CATSPERT: variants seen among roughly 807,000 people sequenced by gnomAD.
CATSPERT encodes the protein cation channel sperm-associated targeting subunit tau.
the CATSPERT span, chr2:201,537,563 A>G: frequency 9.0e-7 from 1 of 1,109,778 alleles, no homozygotes; most frequent in African/African-American, 1.6e-5. Context: ...ATACTATTAC[A>G]TTTTTTCTCA....
chr2:201,530,963 T>TTTTTTTC, the CATSPERT span, among the ~76,000 whole-genome samples: 1 of 127,450 alleles, frequency 7.8e-6, no homozygotes, highest in Non-Finnish European at 1.7e-5. Context: ...TTTTGTGGGT[T>TTTTTTTC]TTTTTTTTTT....
the CATSPERT span, among the ~76,000 whole-genome samples, chr2:201,603,849 C>T: frequency 1.3e-5 from 2 of 151,934 alleles, no homozygotes; most frequent in African/African-American, 2.4e-5. Context: ...GAGAATTAGC[C>T]AAATATATTT....
At chr2:201,502,895 G>GTTT in the CATSPERT span, among the ~76,000 whole-genome samples, 1 of 148,938 alleles carries the variant, frequency 6.7e-6, no homozygotes, top group Non-Finnish European at 1.5e-5. Flanking sequence ...GTGATACTGT[G>GTTT]TTGTTTTTTT....
At chr2:201,551,778 C>T in the CATSPERT span, among the ~76,000 whole-genome samples, 1 of 151,966 alleles carries the variant, frequency 6.6e-6, no homozygotes, top group Non-Finnish European at 1.5e-5. Flanking sequence ...CATGGTGGTG[C>T]ATGCCTGTAA....
the CATSPERT span, among the ~76,000 whole-genome samples, chr2:201,515,201 AGTTTTTTTTTTTTTTT>A: frequency 1.3e-3 from 92 of 70,272 alleles, 10 homozygotes; most frequent in Admixed American, 2.3e-3. Flanking sequence ...ATCTGCCCAT[AGTTTTTTTTTTTTTTT>A]TTTTTTTTTT....
the CATSPERT span, among the ~76,000 whole-genome samples, chr2:201,519,862 G>A: frequency 1.3e-5 from 2 of 152,122 alleles, no homozygotes; most frequent in African/African-American, 2.4e-5. Flanking sequence ...ATTAAATGCC[G>A]ATTTTAAAAA....
the CATSPERT span, chr2:201,494,853 TG>T: frequency 7.7e-7 from 1 of 1,291,418 alleles, no homozygotes; most frequent in Non-Finnish European, 1.0e-6. Context: ...AATCTGTCAA[TG>T]TATCTATTCA....
the CATSPERT span, among the ~76,000 whole-genome samples, chr2:201,616,183 G>C: frequency 6.6e-6 from 1 of 152,210 alleles, no homozygotes; most frequent in Admixed American, 6.5e-5. Context: ...TAGAAAAACA[G>C]GGAATCATCC....
At chr2:201,547,622 A>T in the CATSPERT span, 2 of 1,406,052 alleles carry the variant, frequency 1.4e-6, no homozygotes, top group African/African-American at 1.5e-5. Context: ...TAAAGAAAGA[A>T]ATAAGTTATG....
chr2:201,565,807 A>G, the CATSPERT span: 13 of 1,612,634 alleles, frequency 8.1e-6, no homozygotes, highest in Non-Finnish European at 1.0e-5. Context: ...TGGAGTCCCA[A>G]CAGTAACATT....
At chr2:201,608,912 G>C in the CATSPERT span, among the ~76,000 whole-genome samples, 1 of 148,614 alleles carries the variant, frequency 6.7e-6, no homozygotes, top group African/African-American at 2.5e-5. Context: ...AAAAAAACAT[G>C]ACCCAACTAT....
chr2:201,574,384 G>T, the CATSPERT span: 1 of 826,454 alleles, frequency 1.2e-6, no homozygotes. Flanking sequence ...AAAAGCCAAA[G>T]TATGAATCTC....
At chr2:201,611,215 T>A in the CATSPERT span, among the ~76,000 whole-genome samples, 1 of 152,134 alleles carries the variant, frequency 6.6e-6, no homozygotes, top group African/African-American at 2.4e-5. Context: ...GAAAAACCTA[T>A]AGATTCCTAC....
At chr2:201,532,639 A>G in the CATSPERT span, among the ~76,000 whole-genome samples, 1 of 152,242 alleles carries the variant, frequency 6.6e-6, no homozygotes, top group Non-Finnish European at 1.5e-5. Context: ...AAAATAAAAT[A>G]CAAGGACTGG....
chr2:201,610,457 C>T, the CATSPERT span, among the ~76,000 whole-genome samples: 1 of 134,118 alleles, frequency 7.5e-6, no homozygotes, highest in Non-Finnish European at 1.6e-5. Flanking sequence ...GACTCCGTCT[C>T]AAAAAAAAAA....
chr2:201,514,803 T>C, the CATSPERT span, among the ~76,000 whole-genome samples: 1 of 152,232 alleles, frequency 6.6e-6, no homozygotes, highest in Non-Finnish European at 1.5e-5. Flanking sequence ...GCCCAGCTGA[T>C]ACCATCAGGT....
chr2:201,617,935 G>A, the CATSPERT span, among the ~76,000 whole-genome samples: 2 of 152,196 alleles, frequency 1.3e-5, no homozygotes, highest in African/African-American at 4.8e-5. Context: ...AGACATTTAT[G>A]CAGCCAACAG....
At chr2:201,584,162 C>T in the CATSPERT span, among the ~76,000 whole-genome samples, 8 of 152,078 alleles carry the variant, frequency 5.3e-5, 1 homozygote, top group South Asian at 4.2e-4. Context: ...TGGTAGTGCA[C>T]GTCTTTAGTC....
the CATSPERT span, among the ~76,000 whole-genome samples, chr2:201,614,988 T>C: frequency 6.6e-6 from 1 of 152,162 alleles, no homozygotes; most frequent in South Asian, 2.1e-4. Flanking sequence ...GGTAAAGGGA[T>C]CAATTCAACA....
Sources: gnomAD v4.1 joint callset for allele counts (sites outside exome capture counted in the v4.1 genomes callset) on GRCh38, gnomAD v4.1.1 for gene constraint, MANE v1.5 for transcripts, NCBI Gene and HGNC (gene_info 2026-07-23, HGNC 2026-07-21) for gene names.